The following GPC5 variants were observed in gnomAD, a reference collection of about 807,000 sequenced individuals.
GPC5 encodes glypican-5.
In GPC5, 47 loss-of-function variants were observed where a neutral mutation model predicts 53.9. That is an observed-to-expected ratio of 0.87 (90% CI 0.69 to 1.11). The LOEUF is 1.11. Among genes scored for constraint, GPC5 ranks in the 50% most tolerant of loss-of-function variants. The pLI is 0.00. For synonymous variants in GPC5, 286 were observed against 263.3 expected, an observed-to-expected ratio of 1.09 and a Z score of -0.84; for missense variants, 748 against 713.1, an observed-to-expected ratio of 1.05 and a Z score of -0.56.
rs1412828402 is a variant in GPC5, at chr13:91,399,180, T to C, written c.134T>C (p.Val45Ala). ...KLFQWRLLGA[V>A]RGLPDSPRAG... ...TTCCAGTGGCGGCTGCTGGGAGCTG[T>C]CAGGGGGCTGCCGGATTCGCCGCGG... Residue 45 changes from valine to alanine, a missense_variant, in exon 1 of 8, where the codon GTC (valine) becomes GCC (alanine). Transcript: ENST00000377067. The C allele has an allele frequency of 6.2e-6, 10 of 1,612,410 alleles. No homozygotes were observed. The highest frequency in any genetic ancestry group is 8.5e-6 in the Non-Finnish European group (10 of 1,179,658).
chr13:91,424,035 T>G (rs1878829280), intron 1 of GPC5, among the ~76,000 whole-genome samples: 1 of 152,224 alleles, frequency 6.6e-6, no homozygotes, highest in Admixed American at 6.5e-5. Context: ...TTTTAGTTAT[T>G]TTGGGAAACA....
Position 92,470,393 on chromosome 13 carries a change from T to C in GPC5, c.1561+325404T>C, listed in dbSNP as rs558564668. On this transcript the variant is annotated intron_variant, in intron 7 of 7. Transcript: ENST00000377067. ...AATTTTTTTATTATACCTTAAGTTC[T>C]GGGATACATGTGCAGAACGTGCAGT... is the stretch of plus-strand genomic sequence containing the variant. Among the ~76,000 whole-genome samples the C allele has an allele frequency of 6.6e-5, 10 of 152,278 alleles. No homozygotes were observed. The East Asian group carries it at 1.9e-3, about 29-fold the overall frequency.
rs78104631 is a variant in GPC5 at position 91,669,511 on chromosome 13, C to T, written c.326-23676C>T. Among the ~76,000 whole-genome samples the T allele has an allele frequency of 6.6e-4, 100 of 152,272 alleles. 2 individuals carry two copies. In the East Asian group the frequency reaches 0.018, roughly 28 times the overall value. ...AGCTCTGCTTGTTAATTAACATATC[C>T]TCCAATGACCTTCTAAGAGAAATCT... On this transcript the variant is annotated intron_variant, in intron 2 of 7. Coordinates refer to ENST00000377067, the MANE Select transcript of GPC5 (RefSeq NM_004466.6).
At chr13:92,612,394 A>C (rs1884467991) in intron 7 of GPC5, among the ~76,000 whole-genome samples, 1 of 152,094 alleles carries the variant, frequency 6.6e-6, no homozygotes, top group Non-Finnish European at 1.5e-5. Flanking sequence ...AAATGATTCA[A>C]ATCTTAACAT....
intron 7 of GPC5, among the ~76,000 whole-genome samples, chr13:92,824,446 T>C (rs1877777859): frequency 6.6e-6 from 1 of 152,090 alleles, no homozygotes; most frequent in Non-Finnish European, 1.5e-5. Context: ...ACATTTCCCT[T>C]CTCTTGCTTG....
chr13:92,151,750 G>A (rs1175707219), intron 7 of GPC5, among the ~76,000 whole-genome samples: 1 of 152,172 alleles, frequency 6.6e-6, no homozygotes. Context: ...TCCATTTGGT[G>A]ATGAACACAG....
chr13:92,673,355 C>T, intron 7 of GPC5, among the ~76,000 whole-genome samples: 1 of 151,140 alleles, frequency 6.6e-6, no homozygotes, highest in East Asian at 1.9e-4. Flanking sequence ...GATCTCGGCT[C>T]ATTGCAACCT....
At chr13:92,126,147 G>T (rs1855028672) in intron 6 of GPC5, among the ~76,000 whole-genome samples, 1 of 151,694 alleles carries the variant, frequency 6.6e-6, no homozygotes, top group Non-Finnish European at 1.5e-5. Flanking sequence ...TAGAGACAGG[G>T]TTTTGCCGTG....
rs569555073 is a variant in GPC5, at chr13:91,913,072, GC to G, written c.1401+5017del. On this transcript the variant is annotated intron_variant, in intron 6 of 7. Transcript: ENST00000377067. ...GTCACCTGGGAGTACTCCAAGGACG[GC>G]CAAAAGAAATATTTTAGTTAGAAGA... Among the ~76,000 whole-genome samples, 507 of 152,178 alleles carry G rather than the reference GC, an allele frequency of 3.3e-3. 3 individuals are homozygous for G. The highest frequency in any genetic ancestry group is 0.012 in the African/African-American group (484 of 41,534).
intron 7 of GPC5, among the ~76,000 whole-genome samples, chr13:92,450,938 G>C (rs1056972143): frequency 1.3e-5 from 2 of 152,138 alleles, no homozygotes; most frequent in African/African-American, 4.8e-5. Context: ...GAAAGGTAAA[G>C]GTTTTAGCCA....
intron 7 of GPC5, among the ~76,000 whole-genome samples, chr13:92,475,743 G>A (rs1275918205): frequency 2.0e-5 from 3 of 152,076 alleles, no homozygotes; most frequent in Non-Finnish European, 2.9e-5. Context: ...AATATCTACA[G>A]CTATCTGATC....
chr13:92,802,542 C>G (rs1173357538), intron 7 of GPC5, among the ~76,000 whole-genome samples: 2 of 151,940 alleles, frequency 1.3e-5, no homozygotes, highest in Admixed American at 6.6e-5. Context: ...AGACTTGGAA[C>G]CAACCCAAAT....
chr13:91,478,822 T>TATATATATAC lies in GPC5; in HGVS notation c.325+29901_325+29902insTATATATACA, dbSNP rs1323023652. On this transcript the variant is annotated intron_variant, in intron 2 of 7. Coordinates refer to ENST00000377067, the MANE Select transcript of GPC5 (RefSeq NM_004466.6). ...ATATATATATATATATATATATATA[T>TATATATATAC]ACACACACACACATATATATACACA... Among the ~76,000 whole-genome samples the TATATATATAC allele has an allele frequency of 2.4e-3, 217 of 92,134 alleles. 9 individuals carry two copies. The highest frequency in any genetic ancestry group is 9.5e-3 in the African/African-American group (183 of 19,330). 60.4% of individuals were successfully genotyped at this position (92,134 alleles called of 152,430 possible).
chr13:92,062,530 T>C (rs1156997632), intron 6 of GPC5, among the ~76,000 whole-genome samples: 1 of 152,026 alleles, frequency 6.6e-6, no homozygotes, highest in Non-Finnish European at 1.5e-5. Context: ...TATAGAAAGT[T>C]CAAGTTTTAT....
rs535659027 is a variant in GPC5, at chr13:91,887,489, C to A, written c.1281-20448C>A. ...GGATCCTTGTTATTTATGCAAATTT[C>A]TGCAGCTGGCTTTAATTTCTCCCCA... On this transcript the variant is annotated intron_variant, in intron 5 of 7. Transcript: ENST00000377067. Among the ~76,000 whole-genome samples, 4 of 152,198 alleles carry A rather than the reference C, an allele frequency of 2.6e-5. No individual in the cohort carries two copies. In the East Asian group the frequency reaches 5.8e-4, roughly 22 times the overall value.
intron 7 of GPC5, among the ~76,000 whole-genome samples, chr13:92,840,096 T>C (rs58570821): frequency 3.0e-5 from 2 of 66,710 alleles, no homozygotes; most frequent in Admixed American, 1.5e-4. Context: ...TATATATATA[T>C]ATATATATAT....
At chr13:91,973,682 AACAGACAGG>A (rs2040267060) in intron 6 of GPC5, among the ~76,000 whole-genome samples, 1 of 152,110 alleles carries the variant, frequency 6.6e-6, no homozygotes, top group South Asian at 2.1e-4. Flanking sequence ...TTTTCCTTCT[AACAGACAGG>A]ACCCTCAGCT....
At chr13:92,468,617 A>G (rs1386099649) in intron 7 of GPC5, among the ~76,000 whole-genome samples, 1 of 152,168 alleles carries the variant, frequency 6.6e-6, no homozygotes, top group Non-Finnish European at 1.5e-5. Context: ...TACTTTTACG[A>G]GAAGAATACT....
intron 2 of GPC5, among the ~76,000 whole-genome samples, chr13:91,460,210 A>G (rs7319174): frequency 0.018 from 2,763 of 152,230 alleles, 76 homozygotes; most frequent in African/African-American, 0.064. Context: ...CATAATAGGA[A>G]CACATTTGCT....
Sources: gnomAD v4.1 joint callset for allele counts (sites outside exome capture counted in the v4.1 genomes callset) on GRCh38, gnomAD v4.1.1 for gene constraint, MANE v1.5 for transcripts, NCBI Gene and HGNC (gene_info 2026-07-23, HGNC 2026-07-21) for gene names.